CCDC7: variants seen among roughly 807,000 people sequenced by gnomAD.
CCDC7 encodes coiled-coil domain-containing protein 7.
A neutral mutation model predicts 196.9 loss-of-function variants in CCDC7; 183 were observed. The ratio of observed to expected loss-of-function variants is 0.93; its 90% CI spans 0.82 to 1.05. The LOEUF is 1.05. Among genes scored for constraint, CCDC7 ranks in the 50% least tolerant of loss-of-function variants. The probability of loss-of-function intolerance (pLI) is 0.00; values close to 1 mark genes in which losing one functional copy is unlikely to be tolerated. For missense variants in CCDC7, 1,540 were observed against 1,482.2 expected (o/e 1.04, Z -0.64); for synonymous variants, 525 against 484.6 (o/e 1.08, Z -1.10).
chr10:32,483,128 G>A (rs2040306092), intron 8 of CCDC7, among the ~76,000 whole-genome samples: 1 of 152,130 alleles, frequency 6.6e-6, no homozygotes, highest in Non-Finnish European at 1.5e-5. Flanking sequence ...GTGTAAAAGT[G>A]TTCCTATTTC....
intron 11 of CCDC7, among the ~76,000 whole-genome samples, chr10:32,525,223 AC>A (rs1236642708): frequency 1.3e-4 from 19 of 151,956 alleles, no homozygotes; most frequent in Admixed American, 5.9e-4. Flanking sequence ...GTGCACATGT[AC>A]CCTAGAACTT....
At chr10:32,673,629 A>AGTTG in intron 21 of CCDC7, among the ~76,000 whole-genome samples, 1 of 147,652 alleles carries the variant, frequency 6.8e-6, no homozygotes, top group African/African-American at 2.6e-5. Context: ...CCTTTACTGA[A>AGTTG]TTTATTAGTT....
At chr10:32,882,256 T>C (rs1480821103) in intron 22 of CCDC7, among the ~76,000 whole-genome samples, 1 of 152,078 alleles carries the variant, frequency 6.6e-6, no homozygotes, top group Admixed American at 6.6e-5. Context: ...TGTAGAGGGA[T>C]TCTTGCTTAA....
At chr10:32,604,089 A>G (rs942131558) in intron 18 of CCDC7, among the ~76,000 whole-genome samples, 2 of 152,046 alleles carry the variant, frequency 1.3e-5, no homozygotes, top group African/African-American at 4.8e-5. Flanking sequence ...CAGGTCTTAC[A>G]TTTAAGCCTT....
chr10:32,689,005 A>G (rs368640549), intron 22 of CCDC7, 48 bp from the exon 24 acceptor site: 6 of 1,208,908 alleles, frequency 5.0e-6, no homozygotes, highest in Non-Finnish European at 7.2e-6. Context: ...ACAGATTTCA[A>G]ATGGATTTAT....
At chr10:32,795,277 C>T (rs1287155468) in intron 29 of CCDC7, among the ~76,000 whole-genome samples, 3 of 151,950 alleles carry the variant, frequency 2.0e-5, no homozygotes, top group Non-Finnish European at 4.4e-5. Context: ...TTGTTCTTCC[C>T]CCCTTCACTC....
At chr10:32,546,978 C>T (rs776499452) in intron 13 of CCDC7, among the ~76,000 whole-genome samples, 62 of 152,092 alleles carry the variant, frequency 4.1e-4, no homozygotes, top group Non-Finnish European at 7.1e-4. Flanking sequence ...ATCATAGCAC[C>T]TTTCCTCCTC....
intron 20 of CCDC7, among the ~76,000 whole-genome samples, chr10:32,657,672 A>C (rs773840110): frequency 2.0e-5 from 3 of 152,160 alleles, no homozygotes; most frequent in Non-Finnish European, 4.4e-5. Flanking sequence ...GGCTGCTGTG[A>C]AGGTCTCTGA....
intron 24 of CCDC7, among the ~76,000 whole-genome samples, chr10:32,709,491 A>G (rs910176354): frequency 2.0e-5 from 3 of 151,958 alleles, no homozygotes; most frequent in African/African-American, 4.8e-5. Context: ...TAAATAAGAA[A>G]ACTAACCATA....
intron 28 of CCDC7, among the ~76,000 whole-genome samples, chr10:32,756,532 C>G (rs1325273282): frequency 1.3e-5 from 2 of 152,138 alleles, no homozygotes; most frequent in Non-Finnish European, 2.9e-5. Context: ...AAATAAAATC[C>G]TTTACAGACA....
At chr10:32,722,730 C>G (rs1235708026) in intron 25 of CCDC7, among the ~76,000 whole-genome samples, 1 of 152,018 alleles carries the variant, frequency 6.6e-6, no homozygotes, top group African/African-American at 2.4e-5. Context: ...AGATCACATT[C>G]TGAGATACTG....
At chr10:32,845,768 T>TACAC (rs145287806) in intron 35 of CCDC7, 108 bp from the exon 37 acceptor site, 33,918 of 747,898 alleles carry the variant, frequency 0.045, 203 homozygotes, top group South Asian at 0.054. Context: ...CTTCCATAAT[T>TACAC]ACACACACAC....
At chr10:32,640,862 TTCTTTTTTTTTTTC>T (rs1179309935) in intron 20 of CCDC7, among the ~76,000 whole-genome samples, 1 of 29,066 alleles carries the variant, frequency 3.4e-5, no homozygotes, top group East Asian at 9.7e-4. Flanking sequence ...CTTGTAGATT[TTCTTTTTTTTTTTC>T]TTTTTTTTTT....
Position 32,554,610 on chromosome 10 carries a change from C to T in CCDC7, c.1134+10309C>T, listed in dbSNP as rs181608227. ...GTTTCTCCAGTGGAGAGTGTGTTTTCGGGAAAGGAGGGTCTCCCTTTCCTG... is the reference window on the plus strand; with the variant it reads ...GTTTCTCCAGTGGAGAGTGTGTTTTTGGGAAAGGAGGGTCTCCCTTTCCTG... On this transcript the variant is annotated intron_variant, in intron 13 of 41. Transcript: ENST00000639629. 7.9e-5 allele frequency among the ~76,000 whole-genome samples: 12 copies of T among 152,338 alleles called. No individual in the cohort carries two copies. In the East Asian group the frequency reaches 1.5e-3, roughly 20 times the overall value.
chr10:32,485,182 T>G (rs2040792575), intron 8 of CCDC7, among the ~76,000 whole-genome samples: 1 of 152,268 alleles, frequency 6.6e-6, no homozygotes, highest in Admixed American at 6.5e-5. Context: ...CAGAGCCTGT[T>G]ATTGGTTTAT....
At chr10:32,537,900 T>TTAGTA (rs2136031870) in intron 11 of CCDC7, among the ~76,000 whole-genome samples, 1 of 152,194 alleles carries the variant, frequency 6.6e-6, no homozygotes, top group African/African-American at 2.4e-5. Context: ...CTGTAGCCCT[T>TTAGTA]TAGTATAGTT....
intron 32 of CCDC7, among the ~76,000 whole-genome samples, chr10:32,828,485 G>GGAAGAGGAAGAAGAAGAAAAGAA (rs2091618916): frequency 4.0e-5 from 2 of 49,750 alleles, no homozygotes; most frequent in African/African-American, 1.2e-4. Context: ...AAGAGGAAGA[G>GGAAGAGGAAGAAGAAGAAAAGAA]GAAGAAGAAG....
At position 32,475,610 on chromosome 10, in the gene CCDC7, G is replaced by A. The variant is rs989043136; in HGVS notation, c.796+1587G>A. The stretch of plus-strand genomic sequence containing the variant: ...TATGGAGAAAATGCTTTGCAAATTC[G>A]TAAGATCTTTTTTCAGTGGCAGTTG... On this transcript the variant is annotated intron_variant, in intron 8 of 41. Coordinates refer to ENST00000639629, the Ensembl canonical transcript of CCDC7. Among the ~76,000 whole-genome samples, 4 of 152,280 alleles carry A rather than the reference G, an allele frequency of 2.6e-5. 1 individual carries two copies. The highest frequency in any genetic ancestry group is 2.0e-4 in the Admixed American group (3 of 15,286).
At chr10:32,772,046 T>A (rs139475288) in intron 28 of CCDC7, among the ~76,000 whole-genome samples, 2 of 152,284 alleles carry the variant, frequency 1.3e-5, no homozygotes, top group East Asian at 3.9e-4. Context: ...TTCAAGAGAT[T>A]CTATCCTTTG....
Sources: gnomAD v4.1 joint callset for allele counts (sites outside exome capture counted in the v4.1 genomes callset) on GRCh38, gnomAD v4.1.1 for gene constraint, MANE v1.5 for transcripts, NCBI Gene and HGNC (gene_info 2026-07-23, HGNC 2026-07-21) for gene names.